DKKL1: variants seen among roughly 807,000 people sequenced by gnomAD.
DKKL1 encodes dickkopf like acrosomal protein 1.
Under a neutral mutation model 16.5 loss-of-function variants are expected in DKKL1, and 11 were observed. That is an observed-to-expected ratio of 0.67 (90% CI 0.42 to 1.10). The LOEUF (loss-of-function observed/expected upper bound fraction) is 1.10. Ranked by LOEUF, DKKL1 falls within the 50% of genes least tolerant of loss-of-function variation. DKKL1 has a pLI of 0.00. For synonymous variants in DKKL1, 119 were observed against 133.2 expected, an observed-to-expected ratio of 0.89 and a Z score of 0.73; for missense variants, 320 against 308.1, an observed-to-expected ratio of 1.04 and a Z score of -0.29.
At chr19:49,365,425 G>C (rs1279322725) in intron 2 of DKKL1, 84 bp from the exon 3 acceptor site, 1 of 1,460,420 alleles carries the variant, frequency 6.8e-7, no homozygotes, top group East Asian at 2.4e-5. Flanking sequence ...CAAGGCCTCG[G>C]GAGCATCCTA....
intron 4 of DKKL1, chr19:49,369,656 G>C (rs1244167924): frequency 6.6e-6 from 1 of 152,218 alleles, no homozygotes; most frequent in Non-Finnish European, 1.5e-5. Context: ...TGGCCAGAGT[G>C]GCTTTTCTGG....
Position 49,365,502 on chromosome 19 carries a change from GC to G in DKKL1, c.184-3del. 1 of 1,592,952 alleles carries G rather than the reference GC, an allele frequency of 6.3e-7. No individual in the cohort carries two copies. The highest frequency in any genetic ancestry group is 1.3e-5 in the African/African-American group (1 of 74,684). The stretch of plus-strand genomic sequence containing the variant: ...CAGCAGCTCACCAGTCCCTCCTCCG[GC>G]CCCAGGGTAACCTGCTTCGGGGCAT... On this transcript the variant is annotated splice_polypyrimidine_tract_variant and splice_region_variant and intron_variant, in intron 2 of 4. Coordinates refer to ENST00000221498, the MANE Select transcript of DKKL1 (RefSeq NM_014419.4).
chr19:49,372,550 C>A (rs1973538139), intron 4 of DKKL1, among the ~76,000 whole-genome samples: 1 of 151,972 alleles, frequency 6.6e-6, no homozygotes, highest in Admixed American at 6.6e-5. Flanking sequence ...AAAAATTAGC[C>A]AGGCATGGTG....
rs2303758 is a variant in DKKL1, at chr19:49,365,702, G to A, written c.324+53G>A. ...AGTCCCCTTGGGATCCCTCCATCCC[G>A]CCATCCCTCGTGCTGCAGTATCTGT... is the stretch of plus-strand genomic sequence containing the variant. On this transcript the variant is annotated intron_variant, in intron 3 of 4. Coordinates refer to ENST00000221498, the MANE Select transcript of DKKL1 (RefSeq NM_014419.4). 15 of 1,592,676 alleles carry A rather than the reference G, an allele frequency of 9.4e-6. 1 individual carries two copies. The highest frequency in any genetic ancestry group is 3.4e-5 in the South Asian group (3 of 88,218).
rs185528101 is a variant in DKKL1, at chr19:49,364,052, A to G, written c.10+44A>G. On this transcript the variant is annotated intron_variant, in intron 1 of 4. Transcript: ENST00000221498. ...TGGTGAACGTGGGCGAAAGTGAGGA[A>G]AAGACCATTGGATGAGGCCGGGTGC... The G allele has an allele frequency of 2.5e-5, 40 of 1,610,570 alleles. No homozygotes were observed. In the East Asian group the frequency reaches 8.7e-4, roughly 35 times the overall value.
At chr19:49,365,712 G>C (rs114441826) in intron 3 of DKKL1, 63 bp downstream of exon 3, 10 of 1,596,732 alleles carry the variant, frequency 6.3e-6, no homozygotes, top group African/African-American at 1.3e-5. Context: ...GCCATCCCTC[G>C]TGCTGCAGTA....
At chr19:49,363,622 A>G (rs550515866), upstream of DKKL1, 2 of 348,544 alleles carry the variant, frequency 5.7e-6, no homozygotes, top group East Asian at 1.5e-4. Flanking sequence ...CACCGCCAGG[A>G]CTTCCAGGAC....
upstream of DKKL1, chr19:49,363,488 A>G (rs1302009827): frequency 9.1e-6 from 2 of 218,968 alleles, no homozygotes; most frequent in Non-Finnish European, 1.9e-5. Context: ...TGAGGGCAAG[A>G]TCTGGGACGC....
chr19:49,362,529 A>G (rs67827341), upstream of DKKL1: 38,868 of 150,636 alleles, frequency 0.26, 5,207 homozygotes, highest in African/African-American at 0.31. Flanking sequence ...CAGTTTGGGG[A>G]AGGATTTTTG....
chr19:49,361,120 G>C (rs1230151314), upstream of DKKL1, among the ~76,000 whole-genome samples: 1 of 121,034 alleles, frequency 8.3e-6, no homozygotes, highest in Non-Finnish European at 1.7e-5. Flanking sequence ...CCAGGGAGAG[G>C]GGGAGACAGA....
Position 49,375,030 on chromosome 19 carries a change from G to A in DKKL1, c.*2G>A. ...CTCAGGCCCTCTCGGCAGCTGTAGGGGTGGGGACCGGGGAGCACCTGCCTG... is the reference window on the plus strand; with the variant it reads ...CTCAGGCCCTCTCGGCAGCTGTAGGAGTGGGGACCGGGGAGCACCTGCCTG... On this transcript the variant is annotated 3_prime_UTR_variant, in exon 5 of 5. Coordinates refer to ENST00000221498, the MANE Select transcript of DKKL1 (RefSeq NM_014419.4). The A allele has an allele frequency of 6.3e-7, 1 of 1,596,896 alleles. No individual in the cohort carries two copies. The highest frequency in any genetic ancestry group is 2.2e-5 in the East Asian group (1 of 44,542).
At position 49,374,666 on chromosome 19, in the gene DKKL1, C is replaced by T. The variant is rs748026828; in HGVS notation, c.418-51C>T. 7 of 1,498,772 alleles carry T rather than the reference C, an allele frequency of 4.7e-6. No homozygotes were observed. In the African/African-American group the frequency reaches 7.0e-5, roughly 15 times the overall value. The allele number at this position is 1,498,772 out of a possible 1,614,324, so 92.8% of individuals were successfully genotyped here. A position where few individuals can be genotyped will look rare whatever the true frequency, so the allele number is the denominator to read the frequency against. On this transcript the variant is annotated intron_variant, in intron 4 of 4. Transcript: ENST00000221498. ...GAATAGGTCAGTGGGGACTGACCAT[C>T]CTGGGGTGCTGTTTGGAGTATGAGA...
upstream of DKKL1, chr19:49,362,309 A>C (rs776374629): frequency 6.6e-6 from 1 of 152,178 alleles, no homozygotes; most frequent in African/African-American, 2.4e-5. Context: ...CCTAAGAAGC[A>C]ACTCCCCACC....
chr19:49,363,605 CAG>C (rs1383773259), upstream of DKKL1: 2 of 336,722 alleles, frequency 5.9e-6, no homozygotes, highest in African/African-American at 4.3e-5. Flanking sequence ...GGGCCGCAAT[CAG>C]AGAACACCGC....
intron 1 of DKKL1, among the ~76,000 whole-genome samples, chr19:49,364,312 AC>A (rs1973158082): frequency 6.8e-6 from 1 of 146,750 alleles, no homozygotes; most frequent in South Asian, 2.1e-4. Flanking sequence ...TGATTGTGCC[AC>A]TGTACTCCAG....
chr19:49,363,422 A>G (rs183530004), upstream of DKKL1, among the ~76,000 whole-genome samples: 17 of 152,348 alleles, frequency 1.1e-4, no homozygotes, highest in Non-Finnish European at 1.6e-4. Context: ...GCTAAAAGGG[A>G]TGCTTGTACT....
upstream of DKKL1, among the ~76,000 whole-genome samples, chr19:49,362,784 G>C (rs1335108267): frequency 6.6e-6 from 1 of 152,038 alleles, no homozygotes; most frequent in Non-Finnish European, 1.5e-5. Flanking sequence ...AGAGGGGACG[G>C]GGCTAGGCGC....
In DKKL1 at chr19:49,365,798, C is replaced by A. The variant is rs751730042; in HGVS notation, c.330C>A (p.Thr110=). 2 of 1,613,676 alleles carry A rather than the reference C, an allele frequency of 1.2e-6. No individual in the cohort carries two copies. The highest frequency in any genetic ancestry group is 1.7e-6 in the Non-Finnish European group (2 of 1,179,860). The part of the protein sequence containing the change: ...LSSHLQIDKM[T]DNKTGEVLIS... ...CTCTCATCGGATCCTCACAGATGAC[C>A]GACAACAAGACAGGAGAGGTGCTGA... is the stretch of plus-strand genomic sequence containing the variant. Residue 110 remains threonine, a synonymous_variant, in exon 4 of 5, where the codon ACC becomes ACA. Transcript: ENST00000221498.
At chr19:49,372,949 G>A (rs1282495118) in intron 4 of DKKL1, among the ~76,000 whole-genome samples, 6 of 151,720 alleles carry the variant, frequency 4.0e-5, no homozygotes, top group Non-Finnish European at 7.4e-5. Context: ...CGCGGTGAGC[G>A]AAGATAGCAC....
Sources: gnomAD v4.1 joint callset for allele counts (sites outside exome capture counted in the v4.1 genomes callset) on GRCh38, gnomAD v4.1.1 for gene constraint, MANE v1.5 for transcripts, NCBI Gene and HGNC (gene_info 2026-07-23, HGNC 2026-07-21) for gene names.